Variants in AKR1C8 observed in about 807,000 individuals in gnomAD.
The protein encoded by AKR1C8 is aldo-keto reductase family 1 member C8.
chr10:5,126,481 A>C, the AKR1C8 span, among the ~76,000 whole-genome samples: 1 of 152,040 alleles, frequency 6.6e-6, no homozygotes, highest in Non-Finnish European at 1.5e-5. Flanking sequence ...CTTTACGTTG[A>C]TAAGATAGGG....
the AKR1C8 span, chr10:5,160,753 TC>T: frequency 2.2e-6 from 1 of 460,306 alleles, no homozygotes. Flanking sequence ...TTCTGACCCC[TC>T]CTCCTGCAAT....
the AKR1C8 span, among the ~76,000 whole-genome samples, chr10:5,156,585 G>A: frequency 1.3e-4 from 17 of 130,334 alleles, no homozygotes; most frequent in South Asian, 2.4e-4. Context: ...ATATGTATCC[G>A]TCCATCTTCT....
chr10:5,138,382 GT>G, the AKR1C8 span, among the ~76,000 whole-genome samples: 1 of 152,058 alleles, frequency 6.6e-6, no homozygotes, highest in Non-Finnish European at 1.5e-5. Context: ...TTTATAGGCT[GT>G]TTGCAAAAAG....
At chr10:5,159,798 C>CA in the AKR1C8 span, 245,117 of 470,724 alleles carry the variant, frequency 0.52, 67,636 homozygotes, top group Non-Finnish European at 0.6. Flanking sequence ...CAGAAGACAT[C>CA]AAGCAGAAAC....
chr10:5,133,996 TA>T, the AKR1C8 span, among the ~76,000 whole-genome samples: 1 of 152,224 alleles, frequency 6.6e-6, no homozygotes, highest in African/African-American at 2.4e-5. Context: ...CAGTGAAATT[TA>T]AAATTATTGA....
the AKR1C8 span, among the ~76,000 whole-genome samples, chr10:5,126,568 C>T: frequency 6.6e-6 from 1 of 152,058 alleles, no homozygotes; most frequent in East Asian, 1.9e-4. Flanking sequence ...GGTTCCTATC[C>T]AGAGATACCA....
the AKR1C8 span, chr10:5,123,586 T>C: frequency 7.8e-6 from 7 of 899,864 alleles, no homozygotes; most frequent in Non-Finnish European, 9.9e-6. Flanking sequence ...TGGGATCTCG[T>C]CAGAAATGCA....
chr10:5,156,525 G>GATCGATCTATCTATCT, the AKR1C8 span, among the ~76,000 whole-genome samples: 2 of 141,042 alleles, frequency 1.4e-5, no homozygotes, highest in African/African-American at 4.9e-5. Flanking sequence ...GAAAGACTCA[G>GATCGATCTATCTATCT]ATCTATCTAT....
At chr10:5,172,132 A>G in the AKR1C8 span, among the ~76,000 whole-genome samples, 1 of 152,116 alleles carries the variant, frequency 6.6e-6, no homozygotes. Flanking sequence ...CTTAGCTGCA[A>G]ACAGGCAAGT....
the AKR1C8 span, among the ~76,000 whole-genome samples, chr10:5,176,890 G>T: frequency 1.2e-4 from 18 of 152,202 alleles, no homozygotes; most frequent in African/African-American, 3.6e-4. Context: ...TGAGACGATG[G>T]GGTTTTCTAG....
the AKR1C8 span, among the ~76,000 whole-genome samples, chr10:5,156,362 G>A: frequency 6.6e-6 from 1 of 152,044 alleles, no homozygotes; most frequent in South Asian, 2.1e-4. Context: ...AAAGAGTTCT[G>A]CATTTTTAAT....
chr10:5,135,105 C>A, the AKR1C8 span: 1 of 206,448 alleles, frequency 4.8e-6, no homozygotes. Context: ...TAGCTTTGCT[C>A]TTTTAAATGC....
the AKR1C8 span, chr10:5,161,005 C>A: frequency 1.4e-5 from 6 of 414,336 alleles, no homozygotes; most frequent in Non-Finnish European, 2.9e-5. Flanking sequence ...GATTATTAAT[C>A]TGAGTGCACA....
chr10:5,125,270 C>A, the AKR1C8 span, among the ~76,000 whole-genome samples: 2 of 152,080 alleles, frequency 1.3e-5, no homozygotes, highest in Non-Finnish European at 1.5e-5. Flanking sequence ...TGGTAAATCT[C>A]AATACAGATG....
chr10:5,171,416 T>C, the AKR1C8 span, among the ~76,000 whole-genome samples: 3 of 152,064 alleles, frequency 2.0e-5, no homozygotes, highest in African/African-American at 7.2e-5. Context: ...TATAGGTGTT[T>C]CCTATAACTT....
the AKR1C8 span, among the ~76,000 whole-genome samples, chr10:5,118,275 G>A: frequency 2.0e-5 from 3 of 152,166 alleles, no homozygotes; most frequent in South Asian, 2.1e-4. Context: ...ATGGAAATCA[G>A]AATTCCAGCA....
the AKR1C8 span, among the ~76,000 whole-genome samples, chr10:5,140,516 A>G: frequency 6.6e-6 from 1 of 152,134 alleles, no homozygotes; most frequent in African/African-American, 2.4e-5. Context: ...ATGAAGCTGG[A>G]AACCATCATT....
At chr10:5,158,323 A>G in the AKR1C8 span, among the ~76,000 whole-genome samples, 220 of 152,348 alleles carry the variant, frequency 1.4e-3, no homozygotes, top group Non-Finnish European at 2.4e-3. Context: ...AAAATTGTAC[A>G]GCATTACAGC....
At chr10:5,132,542 G>T in the AKR1C8 span, 8 of 1,329,916 alleles carry the variant, frequency 6.0e-6, no homozygotes, top group East Asian at 1.8e-4. Flanking sequence ...TTACAGAATT[G>T]TCATCTCCAC....
Sources: gnomAD v4.1 joint callset for allele counts (sites outside exome capture counted in the v4.1 genomes callset) on GRCh38, gnomAD v4.1.1 for gene constraint, MANE v1.5 for transcripts, NCBI Gene and HGNC (gene_info 2026-07-23, HGNC 2026-07-21) for gene names.